Variants in PTK2 observed in about 807,000 individuals in gnomAD.
PTK2 encodes the protein protein tyrosine kinase 2.
Under a neutral mutation model 150.1 loss-of-function variants are expected in PTK2, and 45 were observed. That is an observed-to-expected ratio of 0.30 (90% CI 0.24 to 0.38). The LOEUF is 0.38. Among genes scored for constraint, PTK2 ranks in the 10% least tolerant of loss-of-function variants. The probability of loss-of-function intolerance (pLI) is 1.00; values close to 1 mark genes in which losing one functional copy is unlikely to be tolerated. For synonymous variants in PTK2, 432 were observed against 449.2 expected (o/e 0.96, Z 0.48); for missense variants, 919 against 1,307.3 (o/e 0.70, Z 4.58).
intron 4 of PTK2, among the ~76,000 whole-genome samples, chr8:140,868,062 T>C (rs2100140394): frequency 1.3e-5 from 2 of 152,328 alleles, no homozygotes; most frequent in South Asian, 4.1e-4. Flanking sequence ...TTCCTACTCT[T>C]AGGCAATATA....
At chr8:140,949,467 T>C (rs983919689) in intron 1 of PTK2, among the ~76,000 whole-genome samples, 48 of 152,212 alleles carry the variant, frequency 3.2e-4, no homozygotes, top group Non-Finnish European at 4.4e-4. Flanking sequence ...CCCTGCGTTC[T>C]TAGGGGTCCG....
At chr8:140,759,530 T>TAAAAAAAAAAAA (rs761643170) in intron 16 of PTK2, among the ~76,000 whole-genome samples, 6 of 58,050 alleles carry the variant, frequency 1.0e-4, no homozygotes, top group African/African-American at 3.2e-4. Flanking sequence ...GACCCTGTCC[T>TAAAAAAAAAAAA]AAAAAAAAAA....
At chr8:140,850,561 TA>T (rs538920575) in intron 5 of PTK2, among the ~76,000 whole-genome samples, 38,829 of 120,936 alleles carry the variant, frequency 0.32, 5,476 homozygotes, top group Admixed American at 0.43. Context: ...CCATCTCTAC[TA>T]AAAAAAAAAA....
chr8:140,818,683 G>A (rs2100106230), intron 9 of PTK2, among the ~76,000 whole-genome samples, 197 bp downstream of exon 9: 1 of 152,048 alleles, frequency 6.6e-6, no homozygotes, highest in African/African-American at 2.4e-5. Flanking sequence ...TAGGCATGCT[G>A]TTTTTAAAAA....
intron 27 of PTK2, among the ~76,000 whole-genome samples, chr8:140,679,314 C>G (rs2100015778): frequency 6.6e-6 from 1 of 151,946 alleles, no homozygotes; most frequent in Admixed American, 6.6e-5. Flanking sequence ...CGTGAGCCAC[C>G]GCGCCTGGCC....
intron 4 of PTK2, among the ~76,000 whole-genome samples, chr8:140,874,934 G>A (rs1184949025): frequency 1.3e-5 from 2 of 152,106 alleles, no homozygotes; most frequent in Non-Finnish European, 2.9e-5. Flanking sequence ...TGTATACCAG[G>A]CATGACTAGA....
At chr8:140,846,730 G>A in intron 5 of PTK2, 52 bp from the exon 6 acceptor site, 1 of 1,275,368 alleles carries the variant, frequency 7.8e-7, no homozygotes, top group Non-Finnish European at 1.1e-6. Flanking sequence ...AAAAATATTA[G>A]ATATATGCAT....
At chr8:140,870,362 C>T (rs2100141801) in intron 4 of PTK2, among the ~76,000 whole-genome samples, 1 of 152,056 alleles carries the variant, frequency 6.6e-6, no homozygotes, top group African/African-American at 2.4e-5. Flanking sequence ...GAGACATAGA[C>T]ACAACTAAAA....
At chr8:140,750,427 G>A (rs2100062001) in intron 17 of PTK2, 3 of 152,266 alleles carry the variant, frequency 2.0e-5, no homozygotes, top group Admixed American at 2.0e-4. Flanking sequence ...AAGAGAGGAA[G>A]AGACAGGCAA....
chr8:140,679,405 A>C (rs1343819683), intron 27 of PTK2, among the ~76,000 whole-genome samples: 1 of 152,170 alleles, frequency 6.6e-6, no homozygotes, highest in Non-Finnish European at 1.5e-5. Context: ...AATGAACTAG[A>C]AAATCCTATT....
intron 23 of PTK2, among the ~76,000 whole-genome samples, chr8:140,715,525 G>A (rs763921666): frequency 6.6e-6 from 1 of 152,050 alleles, no homozygotes; most frequent in Non-Finnish European, 1.5e-5. Context: ...AAAGGTCAAA[G>A]AGTAAATATT....
In PTK2 at chr8:140,832,402, G is replaced by A. The variant is rs983359682; in HGVS notation, c.594-1876C>T. On this transcript the variant is annotated intron_variant, in intron 7 of 31. Transcript: ENST00000522684. ...CTTGGCTCTGCCATAGGACAGACTT[G>A]CTGTTAACACCTGCGAACCTCCGGT... is the stretch of plus-strand genomic sequence containing the variant. Among the ~76,000 whole-genome samples the A allele has an allele frequency of 3.3e-5, 5 of 152,142 alleles. No homozygotes were observed. The South Asian group carries it at 1.0e-3, about 32-fold the overall frequency.
At chr8:140,702,538 T>C in intron 25 of PTK2, 32 bp downstream of exon 28, 2 of 1,609,962 alleles carry the variant, frequency 1.2e-6, no homozygotes, top group Non-Finnish European at 1.7e-6. Flanking sequence ...CTTTATAAGT[T>C]AACAAACTGA....
chr8:140,714,504 CTAAG>C (rs1421828077), intron 23 of PTK2, among the ~76,000 whole-genome samples: 3 of 150,580 alleles, frequency 2.0e-5, no homozygotes, highest in Admixed American at 6.6e-5. Flanking sequence ...AAAAAAAAAT[CTAAG>C]TAAGACAGCC....
rs78688735 is a variant in PTK2 at position 140,953,703 on chromosome 8, G to C, written c.-121-27954C>G. Among the ~76,000 whole-genome samples, 869 of 152,186 alleles carry C rather than the reference G, an allele frequency of 5.7e-3. 8 individuals are homozygous for C. Among genetic ancestry groups the C allele is most frequent in the African/African-American group, 0.02 (810 of 41,468 alleles). ...CTACAAAAAGCAAAACCACAGACTGGGGGGAGGGAGCTGCTCTACCAGTCA... is the reference window on the plus strand; with the variant it reads ...CTACAAAAAGCAAAACCACAGACTGCGGGGAGGGAGCTGCTCTACCAGTCA... On this transcript the variant is annotated intron_variant, in intron 1 of 31. Coordinates refer to ENST00000522684, the Ensembl canonical transcript of PTK2.
At chr8:140,818,051 CAT>C (rs772828667) in intron 10 of PTK2, among the ~76,000 whole-genome samples, 128 of 152,288 alleles carry the variant, frequency 8.4e-4, no homozygotes, top group East Asian at 1.5e-3. Flanking sequence ...CTCACTAACA[CAT>C]GTTAGGTTTG....
intron 11 of PTK2, among the ~76,000 whole-genome samples, chr8:140,802,815 A>C (rs751353865): frequency 6.6e-6 from 1 of 152,158 alleles, no homozygotes; most frequent in African/African-American, 2.4e-5. Context: ...TTAGGGCAAC[A>C]GGCTATATTG....
At chr8:140,932,126 G>C (rs1299864908) in intron 1 of PTK2, among the ~76,000 whole-genome samples, 2 of 152,020 alleles carry the variant, frequency 1.3e-5, no homozygotes, top group African/African-American at 4.8e-5. Context: ...GACTCTCAGG[G>C]GTTTGTGAAA....
intron 1 of PTK2, among the ~76,000 whole-genome samples, chr8:140,946,774 T>C (rs934170819): frequency 6.6e-6 from 1 of 151,438 alleles, no homozygotes; most frequent in Admixed American, 6.6e-5. Flanking sequence ...CATTTGCTTA[T>C]TATTTTTTTA....
Sources: allele counts gnomAD v4.1 joint callset (sites outside exome capture counted in the v4.1 genomes callset), GRCh38; gene constraint gnomAD v4.1.1; transcripts MANE v1.5; gene names NCBI Gene and HGNC (gene_info 2026-07-23, HGNC 2026-07-21).